The following TBC1D8 variants were observed in gnomAD, a reference collection of about 807,000 sequenced individuals.
TBC1D8 encodes BUB2-like protein 1.
TBC1D8 carries 65 observed loss-of-function variants against 118.8 expected under a neutral mutation model. The ratio of observed to expected loss-of-function variants is 0.55; its 90% CI spans 0.45 to 0.67. TBC1D8 has a LOEUF of 0.67. Ranked by LOEUF, TBC1D8 falls within the 30% of genes least tolerant of loss-of-function variation. The probability of loss-of-function intolerance (pLI) is 0.00; values close to 1 mark genes in which losing one functional copy is unlikely to be tolerated. For synonymous variants in TBC1D8, 566 were observed against 595.8 expected (o/e 0.95, Z 0.73); for missense variants, 1,376 against 1,471.2 (o/e 0.94, Z 1.06).
intron 11 of TBC1D8, among the ~76,000 whole-genome samples, chr2:101,031,138 G>T (rs947616882): frequency 1.3e-5 from 2 of 152,204 alleles, no homozygotes; most frequent in African/African-American, 4.8e-5. Context: ...CATCAACAGT[G>T]GCTTTGACAG....
chr2:101,015,580 TC>T (rs1403393844), intron 17 of TBC1D8, among the ~76,000 whole-genome samples: 4 of 152,200 alleles, frequency 2.6e-5, no homozygotes, highest in Admixed American at 6.5e-5. Context: ...CATTTTTCTA[TC>T]AAAAAAATCT....
intron 5 of TBC1D8, among the ~76,000 whole-genome samples, chr2:101,040,617 G>A (rs1179876638): frequency 2.0e-5 from 3 of 152,292 alleles, no homozygotes; most frequent in South Asian, 2.1e-4. Context: ...TTACAGGGAC[G>A]CGCCACCGCG....
rs945956595 is a variant in TBC1D8 at position 101,022,146 on chromosome 2, A to AATC, written c.2761+132_2761+134dup. ...AGGGGCCTGCAGAGTGATATTTCAAAATCATAAGTTCATGTCAGGCCAGTC... is the reference window on the plus strand; with the variant it reads ...AGGGGCCTGCAGAGTGATATTTCAAAATCATCATAAGTTCATGTCAGGCCAGTC... On this transcript the variant is annotated intron_variant, in intron 16 of 19. Transcript: ENST00000409318. 9.3e-5 allele frequency: 133 copies of AATC among 1,431,282 alleles called. No homozygotes were observed. In the African/African-American group the frequency reaches 1.7e-3, roughly 19 times the overall value. 88.7% of individuals were successfully genotyped at this position (1,431,282 alleles called of 1,614,324 possible). A position where few individuals can be genotyped will look rare whatever the true frequency, so the allele number is the denominator to read the frequency against.
At chr2:101,122,383 C>CAAAAAAAAAAAAAAAAAAAAAAAAAA (rs70943064) in intron 1 of TBC1D8, among the ~76,000 whole-genome samples, 4 of 71,944 alleles carry the variant, frequency 5.6e-5, no homozygotes, top group Non-Finnish European at 8.4e-5. Context: ...GACTCCATTT[C>CAAAAAAAAAAAAAAAAAAAAAAAAAA]AAAAAAAAAA....
At chr2:101,113,768 G>C (rs1448751866) in intron 1 of TBC1D8, among the ~76,000 whole-genome samples, 1 of 152,196 alleles carries the variant, frequency 6.6e-6, no homozygotes, top group Non-Finnish European at 1.5e-5. Flanking sequence ...AAAGGGGTCA[G>C]TGAAGGAAGA....
At chr2:101,137,471 C>T (rs1678906235) in intron 1 of TBC1D8, among the ~76,000 whole-genome samples, 1 of 152,096 alleles carries the variant, frequency 6.6e-6, no homozygotes, top group South Asian at 2.1e-4. Context: ...CGCCACCACA[C>T]CCGGCAAATT....
chr2:101,032,162 C>T, intron 11 of TBC1D8, 106 bp downstream of exon 11: 1 of 1,031,074 alleles, frequency 9.7e-7, no homozygotes, highest in Non-Finnish European at 1.4e-6. Flanking sequence ...AACAGACTAG[C>T]TGAGTGGCAC....
chr2:101,138,733 G>T (rs911939843), intron 1 of TBC1D8, among the ~76,000 whole-genome samples: 3 of 152,158 alleles, frequency 2.0e-5, no homozygotes, highest in African/African-American at 7.2e-5. Context: ...CTCTGGGTGG[G>T]CTACCCTCCA....
At position 101,029,466 on chromosome 2, in the gene TBC1D8, G is replaced by T. The variant is rs1181307848; in HGVS notation, c.2222+25C>A. On this transcript the variant is annotated intron_variant, in intron 12 of 19. Transcript: ENST00000409318. ...CTGCTGCCTCCTCCATCTCTGGTTG[G>T]CCACAGAGGTGCAGCGGGGCCCACC... 9 of 1,598,798 alleles carry T rather than the reference G, an allele frequency of 5.6e-6. No individual in the cohort carries two copies. In the South Asian group the frequency reaches 8.9e-5, roughly 16 times the overall value.
Position 101,050,418 on chromosome 2 carries a change from C to A in TBC1D8, c.855G>T (p.Pro285=), listed in dbSNP as rs78009672. ...VFDLDPDLQE[P]SQITKRDLEA... ...ACTTTCACCTCTTGGTGATCTGGCT[C>A]GGCTCCTGCAGATCGGGGTCGAGGT... Residue 285 remains proline, a synonymous_variant, in exon 5 of 20, where the codon CCG becomes CCT. Transcript: ENST00000409318. 2 of 1,613,100 alleles carry A rather than the reference C, an allele frequency of 1.2e-6. No homozygotes were observed. Among genetic ancestry groups the A allele is most frequent in the Non-Finnish European group, 1.7e-6 (2 of 1,179,844 alleles).
chr2:101,130,165 G>T (rs1252102434), intron 1 of TBC1D8, among the ~76,000 whole-genome samples: 2 of 152,204 alleles, frequency 1.3e-5, no homozygotes, highest in African/African-American at 2.4e-5. Flanking sequence ...AGCTGCTGGG[G>T]TTATTTTTAA....
chr2:101,040,373 G>A lies in TBC1D8; in HGVS notation c.885C>T (p.Ala295=), dbSNP rs1681308645. The A allele has an allele frequency of 1.3e-6, 2 of 1,598,510 alleles. No individual in the cohort carries two copies. The highest frequency in any genetic ancestry group is 1.7e-6 in the Non-Finnish European group (2 of 1,172,012). ...PSQITKRDLE[A]RAQNEFFRAF... ...CCCGGAAGAACTCATTCTGTGCTCT[G>A]GCTTCCAGGTCCCTGGGGAAGGACA... The change falls in exon 6 of 20, where the codon GCC becomes GCT. Residue 295 remains alanine (A), a synonymous_variant. Transcript: ENST00000409318.
chr2:101,008,023 G>A lies in TBC1D8; in HGVS notation c.3266C>T (p.Pro1089Leu). The change falls in exon 20 of 20, where the codon CCA becomes CTA. Residue 1089 changes from proline (P) to leucine (L), a missense_variant. Physicochemically the swap from Pro to Leu is moderately conservative, Grantham distance 98. Coordinates refer to ENST00000409318, the MANE Select transcript of TBC1D8 (RefSeq NM_001330348.2). ...AGTCCAGTCCCTTTCTGCCGCCTCT[G>A]GAAATGCCTGGGAGTCCTGGGGCGT... ...GKTPQDSQAFPEAAERDWTVS... is the reference protein window; with the variant it reads ...GKTPQDSQAFLEAAERDWTVS... The A allele has an allele frequency of 6.2e-7, 1 of 1,613,976 alleles. No individual in the cohort carries two copies. Among genetic ancestry groups the A allele is most frequent in the East Asian group, 2.2e-5 (1 of 44,882 alleles).
Position 101,040,340 on chromosome 2 carries a change from G to A in TBC1D8, c.918C>T (p.Phe306=), listed in dbSNP as rs1254985905. The change falls in exon 6 of 20, where the codon TTC becomes TTT. Residue 306 remains phenylalanine, a synonymous_variant. Transcript: ENST00000409318. ...RAQNEFFRAF[F]RLPRKEKLHA... is the part of the protein sequence containing the mutation. ...GCAGCTTCTCCTTCCTCGGCAACCTGAAGAAAGCCCGGAAGAACTCATTCT... is the reference window on the plus strand; with the variant it reads ...GCAGCTTCTCCTTCCTCGGCAACCTAAAGAAAGCCCGGAAGAACTCATTCT... 6.2e-7 allele frequency: 1 copy of A among 1,612,578 alleles called. No individual in the cohort carries two copies. Among genetic ancestry groups the A allele is most frequent in the Non-Finnish European group, 8.5e-7 (1 of 1,179,250 alleles).
chr2:101,026,249 T>C (rs1007984296), intron 15 of TBC1D8, among the ~76,000 whole-genome samples: 1 of 152,220 alleles, frequency 6.6e-6, no homozygotes, highest in Non-Finnish European at 1.5e-5. Context: ...ACATAATTTG[T>C]TTGCCTACTT....
chr2:101,042,111 T>A (rs1681423702), intron 5 of TBC1D8, among the ~76,000 whole-genome samples: 1 of 151,956 alleles, frequency 6.6e-6, no homozygotes, highest in South Asian at 2.1e-4. Context: ...TAAAAATATA[T>A]ATTTTAAGAA....
intron 5 of TBC1D8, among the ~76,000 whole-genome samples, chr2:101,045,654 A>C (rs1402062803): frequency 6.6e-6 from 1 of 152,224 alleles, no homozygotes; most frequent in Non-Finnish European, 1.5e-5. Flanking sequence ...AGTTTGCCTC[A>C]TAAAGGAGCA....
At chr2:101,020,445 G>A (rs1679964401) in intron 17 of TBC1D8, among the ~76,000 whole-genome samples, 1 of 152,132 alleles carries the variant, frequency 6.6e-6, no homozygotes, top group Admixed American at 6.5e-5. Context: ...GGCATAAAGG[G>A]CAGAAAACTT....
intron 1 of TBC1D8, among the ~76,000 whole-genome samples, chr2:101,130,130 C>T (rs13386749): frequency 0.66 from 100,879 of 151,976 alleles, 33,845 homozygotes; most frequent in East Asian, 0.78. Context: ...AGGGCCGGTC[C>T]TGCCATTGGG....
Sources: allele counts gnomAD v4.1 joint callset (sites outside exome capture counted in the v4.1 genomes callset), GRCh38; gene constraint gnomAD v4.1.1; transcripts MANE v1.5; gene names NCBI Gene and HGNC (gene_info 2026-07-23, HGNC 2026-07-21).